The following ASH1L variants were observed in gnomAD, a reference collection of about 807,000 sequenced individuals.
ASH1L encodes the protein ASH1 like histone lysine methyltransferase.
In ASH1L, 23 loss-of-function variants were observed where a neutral mutation model predicts 269.0. The observed-to-expected ratio is 0.09, with a 90% confidence interval of 0.06 to 0.12. The LOEUF is 0.12. Among genes scored for constraint, ASH1L ranks in the 10% least tolerant of loss-of-function variants. The pLI is 1.00. For synonymous variants in ASH1L, 1,187 were observed against 1,253.5 expected, an observed-to-expected ratio of 0.95 and a Z score of 1.12; for missense variants, 2,912 against 3,567.8, an observed-to-expected ratio of 0.82 and a Z score of 4.68.
At chr1:155,440,618 G>T (rs1662470887) in intron 4 of ASH1L, 1 of 610,196 alleles carries the variant, frequency 1.6e-6, no homozygotes, top group Non-Finnish European at 2.1e-6. Flanking sequence ...AACGAAAAAT[G>T]ACCCCTTCCT....
At chr1:155,463,633 A>T (rs1019878385) in intron 3 of ASH1L, among the ~76,000 whole-genome samples, 1 of 152,048 alleles carries the variant, frequency 6.6e-6, no homozygotes, top group Non-Finnish European at 1.5e-5. Context: ...TCTCTACAAA[A>T]AAAAATAAAA....
chr1:155,521,655 G>A, intron 1 of ASH1L, 37 bp from the exon 2 acceptor site: 1 of 780,246 alleles, frequency 1.3e-6, no homozygotes, highest in Non-Finnish European at 2.0e-6. Flanking sequence ...TATCAGAAAA[G>A]AGGCAACTAC....
At position 155,343,751 on chromosome 1, in the gene ASH1L, AC is replaced by A; in HGVS notation, c.7982-10del. 6.2e-7 allele frequency: 1 copy of A among 1,610,400 alleles called. No homozygotes were observed. The highest frequency in any genetic ancestry group is 8.5e-7 in the Non-Finnish European group (1 of 1,178,988). ...CAGATACACACAGTCACCTAGGAAG[AC>A]CCAGAACACAGAAGAAACATAAAAC... is the stretch of plus-strand genomic sequence containing the variant. On this transcript the variant is annotated splice_polypyrimidine_tract_variant and intron_variant, in intron 22 of 27. Transcript: ENST00000392403. The surrounding 1 kb of genome is among the most constrained non-coding windows in gnomAD (Gnocchi z 6.1).
chr1:155,560,002 C>A (rs1223759461), intron 1 of ASH1L, among the ~76,000 whole-genome samples: 1 of 152,148 alleles, frequency 6.6e-6, no homozygotes, highest in Admixed American at 6.5e-5. Context: ...GAGTCCTTTA[C>A]TAATACTGCA....
intron 19 of ASH1L, 56 bp downstream of exon 19, chr1:155,349,271 G>C (rs975569499): frequency 1.9e-6 from 3 of 1,574,340 alleles, no homozygotes; most frequent in Non-Finnish European, 1.7e-6. Flanking sequence ...TAAACTTCTA[G>C]ACTAATTCTT....
rs771997170 is a variant in ASH1L at position 155,438,603 on chromosome 1, C to A, written c.5552G>T (p.Gly1851Val). ...CTGAAGGGGACATTTCCGAGGTCGA[C>A]CTGGCCTACGTTTCACAAAGTTATT... The part of the protein sequence containing the change: ...TGNNFVKRRP[G>V]RPRKCPLQAV... The change falls in exon 5 of 28, where the codon GGT becomes GTT. Residue 1851 changes from glycine (G) to valine (V), a missense_variant. By Grantham distance (109) the Gly-to-Val change is moderately radical (BLOSUM62 -3). This residue lies in a region of ASH1L where 789 missense variants were observed against 897.6 expected (regional missense o/e 0.88). Coordinates refer to ENST00000392403, the MANE Select transcript of ASH1L (RefSeq NM_018489.3). 1.2e-6 allele frequency: 2 copies of A among 1,614,172 alleles called. No homozygotes were observed. Among genetic ancestry groups the A allele is most frequent in the Non-Finnish European group, 1.7e-6 (2 of 1,180,024 alleles).
chr1:155,411,775 T>C (rs1311286808), intron 6 of ASH1L, among the ~76,000 whole-genome samples: 1 of 150,416 alleles, frequency 6.6e-6, no homozygotes, highest in Non-Finnish European at 1.5e-5. Flanking sequence ...AATCTGATTC[T>C]GGGCCAAGAA....
At chr1:155,492,096 T>C (rs1254548558) in intron 2 of ASH1L, among the ~76,000 whole-genome samples, 1 of 145,516 alleles carries the variant, frequency 6.9e-6, no homozygotes, top group African/African-American at 2.5e-5. Flanking sequence ...AGTGCAATGG[T>C]GCAATCTTGG....
intron 3 of ASH1L, among the ~76,000 whole-genome samples, chr1:155,475,616 TCTTC>T (rs1665480759): frequency 6.6e-6 from 1 of 152,236 alleles, no homozygotes; most frequent in African/African-American, 2.4e-5. Context: ...CTATGGTTTG[TCTTC>T]CTTCACTAAG....
chr1:155,353,511 A>G (rs556422634), intron 16 of ASH1L, among the ~76,000 whole-genome samples: 1 of 152,306 alleles, frequency 6.6e-6, no homozygotes, highest in East Asian at 1.9e-4. Flanking sequence ...AAGGATTAAA[A>G]AAAAGAGCAT....
At position 155,372,060 on chromosome 1, in the gene ASH1L, G is replaced by A. The variant is rs555981499; in HGVS notation, c.6333-1077C>T. On this transcript the variant is annotated intron_variant, in intron 10 of 27. Transcript: ENST00000392403. ...ACTCCATTGCCCAGGCTGGAGTGCA[G>A]TGGCATGATCTCAGCTCACTGCAAC... 2.2e-4 allele frequency among the ~76,000 whole-genome samples: 34 copies of A among 152,206 alleles called. 1 individual carries two copies. In the East Asian group the frequency reaches 4.1e-3, roughly 18 times the overall value.
chr1:155,376,005 A>G (rs1280952437), intron 10 of ASH1L, among the ~76,000 whole-genome samples: 2 of 151,744 alleles, frequency 1.3e-5, no homozygotes, highest in Non-Finnish European at 2.9e-5. Flanking sequence ...TCAGGAGGCT[A>G]ACATGGGAGG....
At chr1:155,430,612 A>T (rs1661523529) in intron 5 of ASH1L, among the ~76,000 whole-genome samples, 1 of 151,964 alleles carries the variant, frequency 6.6e-6, no homozygotes, top group African/African-American at 2.4e-5. Flanking sequence ...TCCCTTTCTC[A>T]TTCCTATTGA....
intron 25 of ASH1L, 87 bp from the exon 26 acceptor site, chr1:155,339,455 A>G (rs1652586543): frequency 8.7e-7 from 1 of 1,146,038 alleles, no homozygotes; most frequent in Non-Finnish European, 1.3e-6. Context: ...TAAGGAACAC[A>G]GTAGGGCAGT....
chr1:155,450,171 G>A (rs534365648), intron 4 of ASH1L, among the ~76,000 whole-genome samples: 2 of 152,084 alleles, frequency 1.3e-5, no homozygotes, highest in South Asian at 2.1e-4. Context: ...GTATGTGTTT[G>A]TATGTATGTG....
At chr1:155,420,228 G>A (rs530502158) in intron 5 of ASH1L, among the ~76,000 whole-genome samples, 12 of 151,800 alleles carry the variant, frequency 7.9e-5, no homozygotes, top group Middle Eastern at 3.4e-3. Context: ...AGGAAGCTGA[G>A]GCAGGAGAAT....
chr1:155,438,183 C>A (rs891794758), intron 5 of ASH1L, 144 bp downstream of exon 5: 15 of 873,056 alleles, frequency 1.7e-5, no homozygotes, highest in South Asian at 1.6e-4. Flanking sequence ...AAAAGCAATA[C>A]ATAAGAACAG....
chr1:155,384,087 C>CT (rs1208017954), intron 7 of ASH1L, among the ~76,000 whole-genome samples: 1 of 152,154 alleles, frequency 6.6e-6, no homozygotes, highest in African/African-American at 2.4e-5. Flanking sequence ...TTAAACGTAA[C>CT]TTAGAAAAAA....
intron 6 of ASH1L, among the ~76,000 whole-genome samples, chr1:155,403,329 C>CA (rs1289514164): frequency 7.9e-5 from 12 of 151,598 alleles, no homozygotes; most frequent in Middle Eastern, 3.2e-3. Flanking sequence ...CAAAAAAAAC[C>CA]AAAAAAACCC....
Sources: allele counts gnomAD v4.1 joint callset (sites outside exome capture counted in the v4.1 genomes callset), GRCh38; gene constraint gnomAD v4.1.1; regional missense constraint gnomAD v4.1.1; non-coding constraint Gnocchi (gnomAD v3.1); transcripts MANE v1.5; gene names NCBI Gene and HGNC (gene_info 2026-07-23, HGNC 2026-07-21).